The following TMEM232 variants were observed in gnomAD, a reference collection of about 807,000 sequenced individuals.
TMEM232 encodes the protein transmembrane protein 232.
TMEM232 carries 80 observed loss-of-function variants against 78.8 expected under a neutral mutation model. The ratio of observed to expected loss-of-function variants is 1.01; its 90% CI spans 0.85 to 1.22. The LOEUF (loss-of-function observed/expected upper bound fraction) is 1.22. Among genes scored for constraint, TMEM232 ranks in the 50% most tolerant of loss-of-function variants. The probability of loss-of-function intolerance (pLI) is 0.00; values close to 1 mark genes in which losing one functional copy is unlikely to be tolerated. For synonymous variants in TMEM232, 297 were observed against 254.3 expected (o/e 1.17, Z -1.60); for missense variants, 881 against 742.2 (o/e 1.19, Z -2.17).
In TMEM232 at chr5:110,627,837, T is replaced by C. The variant is rs1396886145; in HGVS notation, c.545A>G (p.His182Arg). Residue 182 changes from histidine to arginine, a missense_variant, in exon 6 of 14, where the codon CAT becomes CGT. Physicochemically the swap from His to Arg is conservative, Grantham distance 29. Transcript: ENST00000455884. ...VFLRLFIFFLHGHLESFKQHL... is the reference protein window; with the variant it reads ...VFLRLFIFFLRGHLESFKQHL... ...TTGTTTAAAACTTTCTAGATGACCA[T>C]GCAGGAAAAATATAAAAAGTCGTAA... 4 of 1,538,076 alleles carry C rather than the reference T, an allele frequency of 2.6e-6. No individual in the cohort carries two copies. The highest frequency in any genetic ancestry group is 1.2e-5 in the South Asian group (1 of 80,342).
chr5:110,721,772 T>C (rs1466569082), intron 1 of TMEM232, among the ~76,000 whole-genome samples: 1 of 148,638 alleles, frequency 6.7e-6, no homozygotes, highest in African/African-American at 2.5e-5. Context: ...CTGTTTTGTA[T>C]ATTAGACATC....
At chr5:110,565,138 C>T (rs1415057882) in intron 11 of TMEM232, among the ~76,000 whole-genome samples, 1 of 151,916 alleles carries the variant, frequency 6.6e-6, no homozygotes, top group Non-Finnish European at 1.5e-5. Flanking sequence ...CTATTAAAAG[C>T]AAATGTTCTC....
intron 9 of TMEM232, among the ~76,000 whole-genome samples, chr5:110,605,641 A>G (rs1338521734): frequency 1.3e-5 from 2 of 152,134 alleles, no homozygotes; most frequent in African/African-American, 4.8e-5. Flanking sequence ...TCATATTCAA[A>G]AGGAACCTTT....
At chr5:110,654,638 T>C (rs1788783472) in intron 2 of TMEM232, among the ~76,000 whole-genome samples, 1 of 152,194 alleles carries the variant, frequency 6.6e-6, no homozygotes, top group Non-Finnish European at 1.5e-5. Context: ...TGGGCTCTTT[T>C]TTGGTTCCAT....
intron 11 of TMEM232, among the ~76,000 whole-genome samples, chr5:110,545,077 G>T (rs1046196652): frequency 1.3e-5 from 2 of 152,100 alleles, no homozygotes; most frequent in Admixed American, 6.6e-5. Context: ...TTATGGTAAA[G>T]ATTAAACAAA....
intron 8 of TMEM232, among the ~76,000 whole-genome samples, chr5:110,613,567 T>C (rs778594869): frequency 1.3e-5 from 2 of 152,130 alleles, no homozygotes; most frequent in Admixed American, 1.3e-4. Flanking sequence ...AAACCAAAGG[T>C]GTCTTCCACC....
chr5:110,675,013 CTATTTATTTATT>C lies in TMEM232; in HGVS notation c.-12-7661_-12-7650del, dbSNP rs34606644. On this transcript the variant is annotated intron_variant, in intron 1 of 13. Coordinates refer to ENST00000455884, the MANE Select transcript of TMEM232 (RefSeq NM_001039763.4). ...AGAAAAGCTTGCATTTGTTATTATT[CTATTTATTTATT>C]TATTTATTTATTTATTTATTTATTT... Among the ~76,000 whole-genome samples, 22 of 149,804 alleles carry C rather than the reference CTATTTATTTATT, an allele frequency of 1.5e-4. No homozygotes were observed. In the East Asian group the frequency reaches 3.7e-3, roughly 25 times the overall value.
intron 12 of TMEM232, among the ~76,000 whole-genome samples, chr5:110,436,083 A>C (rs921496466): frequency 1.3e-5 from 2 of 151,906 alleles, no homozygotes; most frequent in African/African-American, 4.8e-5. Flanking sequence ...CAATACTTGC[A>C]AGGGATCCCT....
At chr5:110,716,576 T>C (rs1357141372) in intron 1 of TMEM232, among the ~76,000 whole-genome samples, 2 of 152,138 alleles carry the variant, frequency 1.3e-5, no homozygotes, top group East Asian at 3.9e-4. Flanking sequence ...CTAATGCTGC[T>C]GCTGATCTGA....
chr5:110,643,899 TAATC>T (rs1787091395), intron 2 of TMEM232, among the ~76,000 whole-genome samples: 2 of 151,958 alleles, frequency 1.3e-5, no homozygotes, highest in Non-Finnish European at 2.9e-5. Context: ...ATTAATGAAA[TAATC>T]AACCCTTTAA....
In TMEM232 at chr5:110,406,945, T is replaced by G. The variant is rs1209877252; in HGVS notation, n.309-9091A>C. 2.0e-5 allele frequency among the ~76,000 whole-genome samples: 3 copies of G among 152,088 alleles called. No individual in the cohort carries two copies. The East Asian group carries it at 5.8e-4, about 29-fold the overall frequency. The stretch of plus-strand genomic sequence containing the variant: ...AAAATAACTTGTTATGTCTTTAAAA[T>G]GTTTTTTGTAAGCCCCATCGCAACC... On this transcript the variant is annotated intron_variant and non_coding_transcript_variant, in intron 2 of 8. Transcript: ENST00000507188.
intron 5 of TMEM232, among the ~76,000 whole-genome samples, chr5:110,631,883 C>T (rs938453529): frequency 2.0e-5 from 3 of 152,062 alleles, no homozygotes; most frequent in Non-Finnish European, 4.4e-5. Context: ...CCCTCACCTG[C>T]CTGGTCCACC....
intron 11 of TMEM232, among the ~76,000 whole-genome samples, chr5:110,550,225 A>T (rs185193442): frequency 6.6e-6 from 1 of 152,186 alleles, no homozygotes; most frequent in African/African-American, 2.4e-5. Context: ...TGATGCATGA[A>T]ATGTATTTGG....
intron 4 of TMEM232, 100 bp from the exon 5 acceptor site, chr5:110,638,455 A>G: frequency 8.6e-7 from 1 of 1,160,700 alleles, no homozygotes; most frequent in Non-Finnish European, 1.2e-6. Flanking sequence ...CATTAAGACC[A>G]AATTGCAGTT....
At chr5:110,468,371 T>A (rs1468704581) in intron 12 of TMEM232, among the ~76,000 whole-genome samples, 1 of 152,040 alleles carries the variant, frequency 6.6e-6, no homozygotes, top group Non-Finnish European at 1.5e-5. Context: ...AAACATTACA[T>A]GAAAATTTTG....
rs187525257 is a variant in TMEM232, at chr5:110,641,667, A to G, written c.237+593T>C. Among the ~76,000 whole-genome samples, 627 of 152,340 alleles carry G rather than the reference A, an allele frequency of 4.1e-3. 1 individual carries two copies. The highest frequency in any genetic ancestry group is 6.6e-3 in the Admixed American group (101 of 15,288). ...CACCACAAAAAAGGTGGCTTAATTT[A>G]TGCACCAGTTTTGTGCAGCTTTTAT... On this transcript the variant is annotated intron_variant, in intron 3 of 13. Transcript: ENST00000455884.
intron 5 of TMEM232, among the ~76,000 whole-genome samples, chr5:110,632,843 A>T (rs1457239327): frequency 6.6e-6 from 1 of 152,224 alleles, no homozygotes; most frequent in Admixed American, 6.5e-5. Flanking sequence ...ATTTAACAAA[A>T]TTTAACTTGA....
intron 1 of TMEM232, among the ~76,000 whole-genome samples, chr5:110,674,764 C>T (rs144757405): frequency 5.8e-4 from 89 of 152,266 alleles, no homozygotes; most frequent in African/African-American, 2.0e-3. Flanking sequence ...TCGACCACAT[C>T]GTGCAATGTA....
At chr5:110,515,153 G>A (rs1166173929) in intron 12 of TMEM232, among the ~76,000 whole-genome samples, 1 of 152,152 alleles carries the variant, frequency 6.6e-6, no homozygotes, top group African/African-American at 2.4e-5. Context: ...TATAAATGAA[G>A]GAAATAATCA....
Sources: gnomAD v4.1 joint callset for allele counts (sites outside exome capture counted in the v4.1 genomes callset) on GRCh38, gnomAD v4.1.1 for gene constraint, MANE v1.5 for transcripts, NCBI Gene and HGNC (gene_info 2026-07-23, HGNC 2026-07-21) for gene names.